Variants in ZNF675 observed in about 807,000 individuals in gnomAD.
ZNF675 encodes the protein zinc finger protein 675, also known as TRAF6 inhibitory zinc finger.
ZNF675 carries 36 observed loss-of-function variants against 56.1 expected under a neutral mutation model. The ratio of observed to expected loss-of-function variants is 0.64; its 90% CI spans 0.49 to 0.85. ZNF675 has a LOEUF of 0.85. Among genes scored for constraint, ZNF675 ranks in the 40% least tolerant of loss-of-function variants. The pLI is 0.00. For missense variants in ZNF675, 663 were observed against 654.2 expected (o/e 1.01, Z -0.15); for synonymous variants, 200 against 218.9 (o/e 0.91, Z 0.76).
intron 3 of ZNF675, chr19:23,658,632 A>G (rs1460594240): frequency 6.6e-6 from 1 of 152,002 alleles, no homozygotes; most frequent in Non-Finnish European, 1.5e-5. Context: ...GTAAGCAGAG[A>G]TTGTACCACT....
In ZNF675 at chr19:23,687,152, C is replaced by A. The variant is rs192131085; in HGVS notation, c.-119G>T. On this transcript the variant is annotated 5_prime_UTR_variant, in exon 1 of 4. In the 5' UTR this introduces an upstream ATG that the reference lacks. Transcript: ENST00000359788. ...GGACACAGAGCAATGAAAGCGAGAC[C>A]TGGAGCTCCGGCTGCAGCGAGAGAC... 209 of 1,253,654 alleles carry A rather than the reference C, an allele frequency of 1.7e-4. No homozygotes were observed. The East Asian group carries it at 2.3e-3, about 14-fold the overall frequency. 77.7% of individuals were successfully genotyped at this position (1,253,654 alleles called of 1,614,324 possible). A position where few individuals can be genotyped will look rare whatever the true frequency, so the allele number is the denominator to read the frequency against.
At chr19:23,659,540 T>C (rs750947803) in intron 3 of ZNF675, among the ~76,000 whole-genome samples, 46 of 152,306 alleles carry the variant, frequency 3.0e-4, no homozygotes, top group East Asian at 3.9e-4. Context: ...CAAGACTCCA[T>C]CTCAAAATAA....
intron 1 of ZNF675, among the ~76,000 whole-genome samples, chr19:23,670,017 A>C (rs1011495498): frequency 2.0e-5 from 3 of 152,034 alleles, no homozygotes; most frequent in African/African-American, 7.2e-5. Flanking sequence ...CTGGGCCAAG[A>C]AGTTTTCCAG....
In ZNF675 at chr19:23,663,051, G is replaced by C. The variant is rs374271768; in HGVS notation, c.111C>G (p.Tyr37Ter). Residue 37 changes from tyrosine to a stop codon, truncating the protein, a stop_gained, in exon 2 of 4, where the codon TAC (tyrosine) becomes TAG (stop). Coordinates refer to ENST00000359788, the MANE Select transcript of ZNF675 (RefSeq NM_138330.3). LOFTEE classifies it high-confidence loss of function. ...CCTTACCCAGGAAGACCAGGTTTCTGTAGTTCTCTAAAATCACATTTTTAT... is the reference window on the plus strand; with the variant it reads ...CCTTACCCAGGAAGACCAGGTTTCTCTAGTTCTCTAAAATCACATTTTTAT... ...NLYKNVILEN[Y>*]RNLVFLGIAV... 8 of 1,601,600 alleles carry C rather than the reference G, an allele frequency of 5.0e-6. No individual in the cohort carries two copies. Among genetic ancestry groups the C allele is most frequent in the Non-Finnish European group, 6.8e-6 (8 of 1,175,674 alleles).
In ZNF675 at chr19:23,681,583, G is replaced by A. The variant is rs572796912; in HGVS notation, c.3+5448C>T. Among the ~76,000 whole-genome samples the A allele has an allele frequency of 2.0e-4, 31 of 151,642 alleles. 1 individual carries two copies. Among genetic ancestry groups the A allele is most frequent in the Non-Finnish European group, 3.5e-4 (24 of 67,998 alleles). On this transcript the variant is annotated intron_variant, in intron 1 of 3. Coordinates refer to ENST00000359788, the MANE Select transcript of ZNF675 (RefSeq NM_138330.3). ...ATCTGTAGAGTTTACTGAACACCAA[G>A]CAATCCTCCAACACTCATTGTCTAA...
chr19:23,667,709 A>T (rs1968172099), intron 1 of ZNF675, among the ~76,000 whole-genome samples: 1 of 151,166 alleles, frequency 6.6e-6, no homozygotes, highest in African/African-American at 2.4e-5. Flanking sequence ...AGCTAAACAC[A>T]CGGTGCTGAT....
chr19:23,653,918 G>A lies in ZNF675; in HGVS notation c.1015C>T (p.Pro339Ser). ...TTTCCACATTCTTCACATTTGTAGG[G>A]TTTTTCTCCAGTATGAATTCTCTTA... Reference protein sequence around the residue: ...THKRIHTGEKPYKCEECGKAF... With the variant: ...THKRIHTGEKSYKCEECGKAF... The change falls in exon 4 of 4, where the codon CCC becomes TCC. Residue 339 changes from proline (P) to serine (S), a missense_variant. Pro to Ser is a moderately conservative substitution (Grantham distance 74). Transcript: ENST00000359788. The A allele has an allele frequency of 6.2e-7, 1 of 1,613,366 alleles. No homozygotes were observed. Among genetic ancestry groups the A allele is most frequent in the Non-Finnish European group, 8.5e-7 (1 of 1,179,508 alleles).
At chr19:23,684,234 C>G (rs1968414058) in intron 1 of ZNF675, among the ~76,000 whole-genome samples, 1 of 151,056 alleles carries the variant, frequency 6.6e-6, no homozygotes. Flanking sequence ...TGCACTCCAG[C>G]CTGGGCAACA....
chr19:23,666,715 A>G (rs1968154900), intron 1 of ZNF675, among the ~76,000 whole-genome samples: 1 of 152,136 alleles, frequency 6.6e-6, no homozygotes, highest in Admixed American at 6.6e-5. Context: ...AGGTAGGCCC[A>G]AAGTATTGGA....
chr19:23,657,316 G>A (rs368016671), intron 3 of ZNF675, among the ~76,000 whole-genome samples: 30 of 152,010 alleles, frequency 2.0e-4, no homozygotes, highest in African/African-American at 7.2e-4. Flanking sequence ...AAGAAAAAAT[G>A]GAAAAAATAC....
At chr19:23,663,874 G>A (rs1385580263) in intron 1 of ZNF675, among the ~76,000 whole-genome samples, 5 of 152,134 alleles carry the variant, frequency 3.3e-5, no homozygotes, top group African/African-American at 7.2e-5. Context: ...ACTAAGGACC[G>A]CAGGTTTTCC....
chr19:23,681,567 G>A (rs12459505), intron 1 of ZNF675, among the ~76,000 whole-genome samples: 147,159 of 151,600 alleles, frequency 0.97, 71,720 homozygotes, highest in Middle Eastern at 1. Context: ...AATCTGTAGA[G>A]TTTACTGAAC....
intron 1 of ZNF675, among the ~76,000 whole-genome samples, chr19:23,671,200 A>C (rs1012814202): frequency 7.2e-5 from 11 of 152,328 alleles, no homozygotes; most frequent in African/African-American, 2.4e-4. Flanking sequence ...GCATTTTATT[A>C]GCCAATCTGC....
intron 1 of ZNF675, among the ~76,000 whole-genome samples, chr19:23,669,537 G>A (rs1286298496): frequency 6.6e-6 from 1 of 152,002 alleles, no homozygotes; most frequent in African/African-American, 2.4e-5. Context: ...GAAGTTGAGA[G>A]AGTTAAAGGG....
intron 3 of ZNF675, among the ~76,000 whole-genome samples, chr19:23,660,394 G>A (rs896302959): frequency 3.9e-5 from 6 of 152,020 alleles, no homozygotes; most frequent in Non-Finnish European, 7.4e-5. Context: ...AGAATTAGTC[G>A]AAAAATGAAA....
At chr19:23,676,692 A>T (rs1968298953) in intron 1 of ZNF675, among the ~76,000 whole-genome samples, 1 of 151,898 alleles carries the variant, frequency 6.6e-6, no homozygotes, top group Non-Finnish European at 1.5e-5. Context: ...TAGGCATTGA[A>T]GGTACATACT....
In ZNF675 at chr19:23,685,810, T is replaced by C. The variant is rs77391742; in HGVS notation, c.3+1221A>G. Among the ~76,000 whole-genome samples the C allele has an allele frequency of 3.4e-3, 520 of 152,266 alleles. 24 individuals carry two copies. In the East Asian group the frequency reaches 0.088, roughly 26 times the overall value. ...ATGTGAGAAGAAACTGGAAATTTAG[T>C]ATTTTACTGCAAGTCATAGTTAGTC... On this transcript the variant is annotated intron_variant, in intron 1 of 3. Coordinates refer to ENST00000359788, the MANE Select transcript of ZNF675 (RefSeq NM_138330.3).
intron 3 of ZNF675, among the ~76,000 whole-genome samples, chr19:23,661,639 C>T (rs1968080065): frequency 6.6e-6 from 1 of 151,802 alleles, no homozygotes; most frequent in African/African-American, 2.4e-5. Context: ...ACAGTGAGTC[C>T]AGACTGTAGC....
chr19:23,661,245 T>A (rs1339004952), intron 3 of ZNF675, among the ~76,000 whole-genome samples: 2 of 151,964 alleles, frequency 1.3e-5, no homozygotes, highest in Non-Finnish European at 1.5e-5. Flanking sequence ...TTATCTGACC[T>A]CCTGATCCGC....
Sources: allele counts gnomAD v4.1 joint callset (sites outside exome capture counted in the v4.1 genomes callset), GRCh38; gene constraint gnomAD v4.1.1; transcripts MANE v1.5; gene names NCBI Gene and HGNC (gene_info 2026-07-23, HGNC 2026-07-21).